BTBD8: variants seen among roughly 807,000 people sequenced by gnomAD.
BTBD8 encodes BTB/POZ domain-containing protein 8.
BTBD8 carries 110 observed loss-of-function variants against 162.9 expected under a neutral mutation model. That is an observed-to-expected ratio of 0.68 (90% CI 0.58 to 0.79). The LOEUF is 0.79. Ranked by LOEUF, BTBD8 falls within the 30% of genes least tolerant of loss-of-function variation. The pLI is 0.00. For synonymous variants in BTBD8, 667 were observed against 716.1 expected, an observed-to-expected ratio of 0.93 and a Z score of 1.10; for missense variants, 1,905 against 2,085.4, an observed-to-expected ratio of 0.91 and a Z score of 1.68.
At chr1:92,097,930 G>A (rs1408092469) in intron 2 of BTBD8, among the ~76,000 whole-genome samples, 1 of 152,166 alleles carries the variant, frequency 6.6e-6, no homozygotes. Context: ...TCTCCTGGTG[G>A]GAGCACAGAG....
In BTBD8 at chr1:92,182,038, A is replaced by C; in HGVS notation, c.4355A>C (p.Glu1452Ala). ...GAATGTGAAGAGCTGGGATCAGATGAAGGAGAAGTCCATACTCCCTTTCAG... is the reference window on the plus strand; with the variant it reads ...GAATGTGAAGAGCTGGGATCAGATGCAGGAGAAGTCCATACTCCCTTTCAG... The part of the protein sequence containing the change: ...VDECEELGSD[E>A]GEVHTPFQAS... The change falls in exon 17 of 18, where the codon GAA becomes GCA. Residue 1452 changes from glutamate (E) to alanine (A), a missense_variant. Glu to Ala is a moderately radical substitution (Grantham distance 107). Transcript: ENST00000636805. 1 of 1,551,486 alleles carries C rather than the reference A, an allele frequency of 6.4e-7. No individual in the cohort carries two copies. Among genetic ancestry groups the C allele is most frequent in the Non-Finnish European group, 8.7e-7 (1 of 1,146,888 alleles).
Position 92,080,445 on chromosome 1 carries a change from C to T in BTBD8, c.-127C>T. 3 of 1,397,738 alleles carry T rather than the reference C, an allele frequency of 2.1e-6. No homozygotes were observed. The highest frequency in any genetic ancestry group is 2.9e-6 in the Non-Finnish European group (3 of 1,045,824). The allele number at this position is 1,397,738 out of a possible 1,614,324, so 86.6% of individuals were successfully genotyped here. ...TCTACAAACCGACGAGAGGCGTCAA[C>T]CTTTTACCCTAGGGGGCGGATTTGG... On this transcript the variant is annotated 5_prime_UTR_variant, in exon 1 of 18. Coordinates refer to ENST00000636805, the MANE Select transcript of BTBD8 (RefSeq NM_001376131.1).
intron 7 of BTBD8, 74 bp downstream of exon 7, chr1:92,141,285 G>T (rs1259874921): frequency 2.8e-6 from 4 of 1,407,480 alleles, no homozygotes; most frequent in Non-Finnish European, 3.8e-6. Context: ...TTTTAACTCT[G>T]ATAGTAATAG....
In BTBD8 at chr1:92,180,852, C is replaced by T. The variant is rs1296266629; in HGVS notation, c.3169C>T (p.Pro1057Ser). The change falls in exon 17 of 18, where the codon CCC becomes TCC. Residue 1057 changes from proline to serine, a missense_variant. Coordinates refer to ENST00000636805, the MANE Select transcript of BTBD8 (RefSeq NM_001376131.1). ...TTTAGATAAAAGTGAAACAAAATTT[C>T]CCAATCACAAAGAAACAGATGATTG... The part of the protein sequence containing the change: ...ICLDKSETKF[P>S]NHKETDDCDA... The T allele has an allele frequency of 2.6e-6, 4 of 1,551,454 alleles. 1 individual carries two copies. Among genetic ancestry groups the T allele is most frequent in the East Asian group, 4.9e-5 (2 of 40,920 alleles).
chr1:92,149,942 C>T (rs1194153691), intron 9 of BTBD8, among the ~76,000 whole-genome samples: 1 of 152,178 alleles, frequency 6.6e-6, no homozygotes, highest in Non-Finnish European at 1.5e-5. Flanking sequence ...CTCTCCCCAA[C>T]ATTACGTCCA....
intron 9 of BTBD8, among the ~76,000 whole-genome samples, chr1:92,153,591 TG>T (rs1380223923): frequency 6.6e-6 from 1 of 152,234 alleles, no homozygotes; most frequent in Non-Finnish European, 1.5e-5. Flanking sequence ...TGACTTGTAA[TG>T]GAAGCATACA....
At chr1:92,095,524 T>C (rs1427417543) in intron 2 of BTBD8, among the ~76,000 whole-genome samples, 1 of 152,208 alleles carries the variant, frequency 6.6e-6, no homozygotes, top group African/African-American at 2.4e-5. Context: ...AAAATTTCTG[T>C]ACATTTTAAA....
At chr1:92,141,022 T>G in intron 6 of BTBD8, 93 bp from the exon 7 acceptor site, 1 of 1,192,264 alleles carries the variant, frequency 8.4e-7, no homozygotes, top group Non-Finnish European at 1.1e-6. Context: ...TTATTCTTTT[T>G]TAAAAACAGA....
chr1:92,112,221 G>C lies in BTBD8; in HGVS notation c.662+4220G>C, dbSNP rs371568721. Among the ~76,000 whole-genome samples, 11 of 152,110 alleles carry C rather than the reference G, an allele frequency of 7.2e-5. No individual in the cohort carries two copies. The East Asian group carries it at 1.5e-3, about 21-fold the overall frequency. On this transcript the variant is annotated intron_variant, in intron 4 of 17. Transcript: ENST00000636805. Reference sequence around the variant, plus strand: ...ACCAGGGAGTTTGAGACCAGCCTAAGCAACAAAGCAAGACCCCATCTCTAC... The same window carrying C: ...ACCAGGGAGTTTGAGACCAGCCTAACCAACAAAGCAAGACCCCATCTCTAC...
chr1:92,102,905 C>G (rs879943426), intron 3 of BTBD8, among the ~76,000 whole-genome samples: 7 of 152,080 alleles, frequency 4.6e-5, no homozygotes, highest in Admixed American at 4.6e-4. Context: ...TATGCCTCTA[C>G]GTTATTGTCC....
At position 92,090,931 on chromosome 1, in the gene BTBD8, C is replaced by CA. The variant is rs532043349; in HGVS notation, c.347+2047dup. On this transcript the variant is annotated intron_variant, in intron 2 of 17. Coordinates refer to ENST00000636805, the MANE Select transcript of BTBD8 (RefSeq NM_001376131.1). The stretch of plus-strand genomic sequence containing the variant: ...TGGATGACGGAGCAAGACTCCATCT[C>CA]AAAAAAAAAAATTTTTTATTATGTA... Among the ~76,000 whole-genome samples, 984 of 148,564 alleles carry CA rather than the reference C, an allele frequency of 6.6e-3. 7 individuals carry two copies. Among genetic ancestry groups the CA allele is most frequent in the Middle Eastern group, 0.024 (7 of 290 alleles).
At chr1:92,126,308 A>G (rs1226102458) in intron 4 of BTBD8, 1 of 595,594 alleles carries the variant, frequency 1.7e-6, no homozygotes, top group African/African-American at 1.9e-5. Context: ...GTGAATTTGC[A>G]TTCCTGATGA....
intron 3 of BTBD8, among the ~76,000 whole-genome samples, chr1:92,106,428 A>G (rs1648728695): frequency 6.6e-6 from 1 of 152,026 alleles, no homozygotes. Flanking sequence ...TAGGAGGCTG[A>G]GGCGGGCAGA....
At chr1:92,170,071 C>T (rs1024564145) in intron 12 of BTBD8, among the ~76,000 whole-genome samples, 4 of 152,020 alleles carry the variant, frequency 2.6e-5, no homozygotes, top group Admixed American at 6.5e-5. Context: ...AGCTCTCTTC[C>T]GATTAGTAGC....
intron 7 of BTBD8, among the ~76,000 whole-genome samples, chr1:92,145,683 A>T (rs1325081590): frequency 1.3e-5 from 2 of 152,142 alleles, no homozygotes; most frequent in African/African-American, 2.4e-5. Context: ...ATGTGCTTTT[A>T]AAAAATACCT....
At chr1:92,171,719 A>C (rs1650551877) in intron 13 of BTBD8, among the ~76,000 whole-genome samples, 1 of 152,206 alleles carries the variant, frequency 6.6e-6, no homozygotes, top group Admixed American at 6.5e-5. Flanking sequence ...TATTAGAGCT[A>C]TTTCAGTCTA....
chr1:92,087,203 AT>A (rs971825980), intron 1 of BTBD8, among the ~76,000 whole-genome samples: 6 of 149,740 alleles, frequency 4.0e-5, no homozygotes, highest in Admixed American at 3.3e-4. Flanking sequence ...TTTTTTTTCC[AT>A]TTAGCAAGTA....
intron 5 of BTBD8, among the ~76,000 whole-genome samples, chr1:92,130,759 T>C (rs772590481): frequency 3.3e-5 from 5 of 152,128 alleles, no homozygotes; most frequent in Admixed American, 6.6e-5. Flanking sequence ...AGTCAAGTGG[T>C]GGGATCTCAG....
intron 4 of BTBD8, among the ~76,000 whole-genome samples, chr1:92,118,167 C>T (rs1438867129): frequency 6.6e-6 from 1 of 151,710 alleles, no homozygotes; most frequent in South Asian, 2.1e-4. Flanking sequence ...TTCAGATTTC[C>T]TTGGTTTTTA....
Sources: gnomAD v4.1 joint callset for allele counts (sites outside exome capture counted in the v4.1 genomes callset) on GRCh38, gnomAD v4.1.1 for gene constraint, MANE v1.5 for transcripts, NCBI Gene and HGNC (gene_info 2026-07-23, HGNC 2026-07-21) for gene names.